LCT: variants seen among roughly 807,000 people sequenced by gnomAD.
LCT encodes lactase/phlorizin hydrolase.
LCT carries 90 observed loss-of-function variants against 173.0 expected under a neutral mutation model. That is an observed-to-expected ratio of 0.52 (90% CI 0.44 to 0.62). The LOEUF is 0.62. Ranked by LOEUF, LCT falls within the 20% of genes least tolerant of loss-of-function variation. The probability of loss-of-function intolerance (pLI) is 0.00; values close to 1 mark genes in which losing one functional copy is unlikely to be tolerated. For missense variants in LCT, 1,864 were observed against 2,431.4 expected, an observed-to-expected ratio of 0.77 and a Z score of 4.91; for synonymous variants, 853 against 957.6, an observed-to-expected ratio of 0.89 and a Z score of 2.02.
intron 13 of LCT, among the ~76,000 whole-genome samples, chr2:135,795,638 T>TAATAATAATAATA (rs2077576392): frequency 6.6e-6 from 1 of 151,066 alleles, no homozygotes; most frequent in Admixed American, 6.6e-5. Flanking sequence ...ATAATAATAA[T>TAATAATAATAATA]AGCTTCAAGA....
chr2:135,801,053 G>A (rs1202246859), intron 11 of LCT, among the ~76,000 whole-genome samples: 1 of 152,142 alleles, frequency 6.6e-6, no homozygotes, highest in Non-Finnish European at 1.5e-5. Context: ...CTTGTGAGAG[G>A]GAAATGAAAC....
chr2:135,788,532 G>A lies in LCT; in HGVS notation c.5576C>T (p.Thr1859Ile), dbSNP rs138424622. 3.1e-6 allele frequency: 5 copies of A among 1,608,036 alleles called. No individual in the cohort carries two copies. Among genetic ancestry groups the A allele is most frequent in the Non-Finnish European group, 4.3e-6 (5 of 1,176,114 alleles). Residue 1859 changes from threonine to isoleucine, a missense_variant, in exon 17 of 17, where the codon ACC becomes ATC. By Grantham distance (89) the Thr-to-Ile change is moderately conservative. This residue lies in a region of LCT where 514 missense variants were observed against 750.1 expected (regional missense o/e 0.69). Coordinates refer to ENST00000264162, the MANE Select transcript of LCT (RefSeq NM_002299.4). ...ACLHQPDAGPTISPVRQEEVQ... is the reference protein window; with the variant it reads ...ACLHQPDAGPIISPVRQEEVQ... ...CTCCTCCTGTCTCACGGGGCTGATG[G>A]TGGGTCCAGCATCTAGGAGAGTGTG...
chr2:135,832,146 G>A (rs2105556953), intron 2 of LCT, among the ~76,000 whole-genome samples: 1 of 152,086 alleles, frequency 6.6e-6, no homozygotes, highest in South Asian at 2.1e-4. Flanking sequence ...AATCCAGGGT[G>A]TAGAGGTTGC....
chr2:135,800,912 GGT>G, intron 11 of LCT, 103 bp from the exon 12 acceptor site: 1 of 898,956 alleles, frequency 1.1e-6, no homozygotes, highest in East Asian at 2.6e-5. Flanking sequence ...TGGGAGAAGG[GGT>G]GTAGATTCTG....
rs2077618411 is a variant in LCT, at chr2:135,800,688, G to A, written c.4785C>T (p.Ser1595=). ...CAGCCCAGTCACTGCTGATGGTGAT[G>A]GAAATCACGCCACCTTGACTGGCGC... is the stretch of plus-strand genomic sequence containing the variant. ...VYRASQGGVI[S]ITISSDWAEP... Residue 1595 remains serine (S), a synonymous_variant, in exon 12 of 17, where the codon TCC becomes TCT. Coordinates refer to ENST00000264162, the MANE Select transcript of LCT (RefSeq NM_002299.4). 1 of 1,613,774 alleles carries A rather than the reference G, an allele frequency of 6.2e-7. No individual in the cohort carries two copies. Among genetic ancestry groups the A allele is most frequent in the Non-Finnish European group, 8.5e-7 (1 of 1,179,998 alleles).
chr2:135,787,854 GTC>G lies in LCT; in HGVS notation c.*468_*469del, dbSNP rs1334376015. 5.5e-6 allele frequency: 1 copy of G among 182,960 alleles called. No homozygotes were observed. The highest frequency in any genetic ancestry group is 2.4e-5 in the African/African-American group (1 of 41,642). The allele number at this position is 182,960 out of a possible 1,614,324, so 11.3% of individuals were successfully genotyped here. ...AGGGGCAACCATAGGAGAAAGGACAGTCTGCTGTTTTTATTTTCTGGAAAACA... is the reference window on the plus strand; with the variant it reads ...AGGGGCAACCATAGGAGAAAGGACAGTGCTGTTTTTATTTTCTGGAAAACA... On this transcript the variant is annotated 3_prime_UTR_variant, in exon 17 of 17. Coordinates refer to ENST00000264162, the MANE Select transcript of LCT (RefSeq NM_002299.4).
At position 135,808,794 on chromosome 2, in the gene LCT, G is replaced by A. The variant is rs780302947; in HGVS notation, c.3553C>T (p.Arg1185Cys). ...TCTTCCTCAGTGAAGCTTGGCAGGC[G>A]GGAGGTGGCTAAGTGCTGCAGTTCA... is the stretch of plus-strand genomic sequence containing the variant. ...RSELQHLATSRLPSFTEEEKR... is the reference protein window; with the variant it reads ...RSELQHLATSCLPSFTEEEKR... Residue 1185 changes from arginine (R) to cysteine (C), a missense_variant, in exon 8 of 17, where the codon CGC becomes TGC. Physicochemically the swap from Arg to Cys is radical, Grantham distance 180 (BLOSUM62 -3). Coordinates refer to ENST00000264162, the MANE Select transcript of LCT (RefSeq NM_002299.4). 1.9e-6 allele frequency: 3 copies of A among 1,613,520 alleles called. No homozygotes were observed. Among genetic ancestry groups the A allele is most frequent in the Non-Finnish European group, 2.5e-6 (3 of 1,179,504 alleles).
intron 1 of LCT, among the ~76,000 whole-genome samples, chr2:135,835,492 A>ATG (rs375804555): frequency 1.7e-5 from 1 of 59,494 alleles, no homozygotes; most frequent in Admixed American, 1.9e-4. Context: ...GTATATATAT[A>ATG]TATATATATA....
At chr2:135,798,277 G>A in intron 12 of LCT, 139 bp from the exon 13 acceptor site, 4 of 699,892 alleles carry the variant, frequency 5.7e-6, no homozygotes, top group Non-Finnish European at 1.0e-5. Flanking sequence ...CTTCCCTGTG[G>A]CTCCTGCCTG....
intron 11 of LCT, 45 bp from the exon 12 acceptor site, chr2:135,800,854 A>G: frequency 6.8e-7 from 1 of 1,472,676 alleles, no homozygotes. Context: ...GATAGAATGG[A>G]TGTGACTGAG....
intron 8 of LCT, 51 bp downstream of exon 8, chr2:135,808,392 A>C (rs1172345977): frequency 2.1e-6 from 3 of 1,408,412 alleles, no homozygotes. Context: ...CAGGCATATG[A>C]CCCAGGGAAT....
chr2:135,816,237 C>T (rs2077780509), intron 6 of LCT, among the ~76,000 whole-genome samples: 4 of 152,334 alleles, frequency 2.6e-5, no homozygotes, highest in Admixed American at 2.6e-4. Flanking sequence ...GCCTCCTTGC[C>T]TCTTCCCTCT....
intron 9 of LCT, 109 bp downstream of exon 9, chr2:135,807,019 G>T: frequency 7.7e-7 from 1 of 1,291,632 alleles, no homozygotes; most frequent in Non-Finnish European, 1.1e-6. Flanking sequence ...CCCTCCATGG[G>T]TCTGCTGGAA....
chr2:135,831,180 G>A (rs1408114917), intron 2 of LCT, among the ~76,000 whole-genome samples: 1 of 152,226 alleles, frequency 6.6e-6, no homozygotes, highest in Non-Finnish European at 1.5e-5. Context: ...TGGGGACAGA[G>A]TGCATCAGGG....
At chr2:135,793,587 G>A (rs765575393) in intron 14 of LCT, among the ~76,000 whole-genome samples, 10 of 152,114 alleles carry the variant, frequency 6.6e-5, no homozygotes, top group East Asian at 1.9e-4. Context: ...CCAAAAGGTC[G>A]CACTAACTCT....
At chr2:135,823,857 G>A in intron 4 of LCT, 44 bp downstream of exon 4, 1 of 1,268,886 alleles carries the variant, frequency 7.9e-7, no homozygotes, top group Non-Finnish European at 1.2e-6. Flanking sequence ...GCACACCAGT[G>A]CACCAGATGT....
At chr2:135,819,427 G>A (rs2077809620) in intron 5 of LCT, among the ~76,000 whole-genome samples, 1 of 152,102 alleles carries the variant, frequency 6.6e-6, no homozygotes, top group Non-Finnish European at 1.5e-5. Context: ...TGTGGCACAT[G>A]CCTGGGGAAA....
In LCT at chr2:135,837,011, G is replaced by A; in HGVS notation, c.159C>T (p.Asn53=). ...LSGLLGDQSS[N]FVAGDKDMYV... The stretch of plus-strand genomic sequence containing the variant: ...ACATGTCTTTGTCCCCTGCTACAAA[G>A]TTAGAACTCTGGTCTCCCAGGAGAC... Residue 53 remains asparagine, a synonymous_variant, in exon 1 of 17, where the codon AAC becomes AAT. Transcript: ENST00000264162. 1 of 1,614,140 alleles carries A rather than the reference G, an allele frequency of 6.2e-7. No individual in the cohort carries two copies.
intron 8 of LCT, 52 bp downstream of exon 8, chr2:135,808,391 G>T: frequency 7.2e-7 from 1 of 1,396,070 alleles, no homozygotes; most frequent in South Asian, 1.2e-5. Flanking sequence ...TCAGGCATAT[G>T]ACCCAGGGAA....
Sources: gnomAD v4.1 joint callset for allele counts (sites outside exome capture counted in the v4.1 genomes callset) on GRCh38, gnomAD v4.1.1 for gene constraint, gnomAD v4.1.1 regional missense constraint, MANE v1.5 for transcripts, NCBI Gene and HGNC (gene_info 2026-07-23, HGNC 2026-07-21) for gene names.